SERPINB2: variants seen among roughly 807,000 people sequenced by gnomAD.
SERPINB2 encodes the protein plasminogen activator inhibitor 2.
A neutral mutation model predicts 39.4 loss-of-function variants in SERPINB2; 28 were observed. The ratio of observed to expected loss-of-function variants is 0.71; its 90% CI spans 0.53 to 0.97. The LOEUF is 0.97. Ranked by LOEUF, SERPINB2 falls within the 50% of genes least tolerant of loss-of-function variation. SERPINB2 has a pLI of 0.00. For synonymous variants in SERPINB2, 209 were observed against 175.1 expected (o/e 1.19, Z -1.53); for missense variants, 557 against 505.3 (o/e 1.10, Z -0.98).
At chr18:63,893,362 G>A (rs1329505786) in intron 2 of SERPINB2, among the ~76,000 whole-genome samples, 3 of 152,094 alleles carry the variant, frequency 2.0e-5, no homozygotes, top group Admixed American at 6.5e-5. Context: ...TGATTGCTCT[G>A]GACACAAGAC....
At position 63,902,942 on chromosome 18, in the gene SERPINB2, C is replaced by G. The variant is rs779082081; in HGVS notation, c.885C>G (p.Thr295=). 1.1e-5 allele frequency: 17 copies of G among 1,612,182 alleles called. No homozygotes were observed. In the Admixed American group the frequency reaches 2.8e-4, roughly 27 times the overall value. Residue 295 remains threonine, a synonymous_variant, in exon 8 of 8, where the codon ACC becomes ACG. Transcript: ENST00000299502. ...EITYDKLNKW[T]SKDKMAEDEV... ...CCTATGACAAACTCAACAAGTGGAC[C>G]AGCAAAGACAAAATGGCTGAAGATG...
At chr18:63,895,167 A>C in intron 2 of SERPINB2, 97 bp from the exon 3 acceptor site, 1 of 1,442,822 alleles carries the variant, frequency 6.9e-7, no homozygotes. Flanking sequence ...AAGGGAAAAG[A>C]TCTAGGACCA....
At chr18:63,898,345 C>G (rs2049973304) in intron 5 of SERPINB2, among the ~76,000 whole-genome samples, 1 of 152,194 alleles carries the variant, frequency 6.6e-6, no homozygotes, top group Admixed American at 6.6e-5. Flanking sequence ...CCTTGATTAT[C>G]TAAGTCACGT....
chr18:63,903,393 T>C lies in SERPINB2; in HGVS notation c.*88T>C. On this transcript the variant is annotated 3_prime_UTR_variant, in exon 8 of 8. Coordinates refer to ENST00000299502, the MANE Select transcript of SERPINB2 (RefSeq NM_002575.3). ...TTTCAAATTGCCAAAAATTTAGAGATGTTTTCTACATATTTCTGCTCTTCT... is the reference window on the plus strand; with the variant it reads ...TTTCAAATTGCCAAAAATTTAGAGACGTTTTCTACATATTTCTGCTCTTCT... 2 of 1,325,094 alleles carry C rather than the reference T, an allele frequency of 1.5e-6. No individual in the cohort carries two copies. Among genetic ancestry groups the C allele is most frequent in the Middle Eastern group, 2.0e-4 (1 of 4,978 alleles). The allele number at this position is 1,325,094 out of a possible 1,614,324, so 82.1% of individuals were successfully genotyped here. A position where few individuals can be genotyped will look rare whatever the true frequency, so the allele number is the denominator to read the frequency against.
chr18:63,892,082 T>C (rs2049929994), intron 2 of SERPINB2, among the ~76,000 whole-genome samples: 1 of 151,886 alleles, frequency 6.6e-6, no homozygotes, highest in East Asian at 1.9e-4. Flanking sequence ...GAAGAATTCC[T>C]TCTAATAATG....
chr18:63,894,031 A>G (rs1261194311), intron 2 of SERPINB2, among the ~76,000 whole-genome samples: 1 of 152,140 alleles, frequency 6.6e-6, no homozygotes, highest in Non-Finnish European at 1.5e-5. Context: ...TCTTTTCCTT[A>G]CAGTGAGGCA....
intron 1 of SERPINB2, chr18:63,890,529 C>T (rs2049919162): frequency 6.6e-6 from 1 of 152,236 alleles, no homozygotes; most frequent in African/African-American, 2.4e-5. Context: ...AAAAAACACA[C>T]ACACCTTGGG....
At chr18:63,900,258 T>C (rs1266623630) in intron 5 of SERPINB2, among the ~76,000 whole-genome samples, 1 of 152,184 alleles carries the variant, frequency 6.6e-6, no homozygotes, top group Admixed American at 6.5e-5. Flanking sequence ...ATCACAACAT[T>C]ACTATACCCC....
At position 63,901,872 on chromosome 18, in the gene SERPINB2, G is replaced by A. The variant is rs184826316; in HGVS notation, c.668G>A (p.Arg223His). ...EKKLNGLYPF[R>H]VNSAQRTPVQ... ...AAACTAAATGGGCTTTATCCTTTCC[G>A]TGTAAACTCGGTATGAGACAACAAA... The change falls in exon 6 of 8, where the codon CGT (arginine) becomes CAT (histidine). Residue 223 changes from arginine (R) to histidine (H), a missense_variant. Physicochemically the swap from Arg to His is conservative, Grantham distance 29. Transcript: ENST00000299502. 1.2e-4 allele frequency: 193 copies of A among 1,598,134 alleles called. No individual in the cohort carries two copies. Among genetic ancestry groups the A allele is most frequent in the South Asian group, 2.3e-4 (20 of 87,400 alleles).
At position 63,899,117 on chromosome 18, in the gene SERPINB2, A is replaced by C. The variant is rs566963936; in HGVS notation, c.535+1273A>C. 6.6e-5 allele frequency among the ~76,000 whole-genome samples: 10 copies of C among 152,296 alleles called. No individual in the cohort carries two copies. The East Asian group carries it at 1.9e-3, about 29-fold the overall frequency. On this transcript the variant is annotated intron_variant, in intron 5 of 7. Coordinates refer to ENST00000299502, the MANE Select transcript of SERPINB2 (RefSeq NM_002575.3). ...TAGACTTTGTTTCTGAGGATGCCTC[A>C]ACTACAGGATTTAAGTTGCAGTTTA...
rs1161716480 is a variant in SERPINB2, at chr18:63,901,815, T to C, written c.611T>C (p.Phe204Ser). Residue 204 changes from phenylalanine to serine, a missense_variant, in exon 6 of 8, where the codon TTC (phenylalanine) becomes TCC (serine). Transcript: ENST00000299502. ...TRMVLVNAVYFKGKWKTPFEK... is the reference protein window; with the variant it reads ...TRMVLVNAVYSKGKWKTPFEK... The stretch of plus-strand genomic sequence containing the variant: ...ATGGTCCTGGTGAATGCTGTCTACT[T>C]CAAAGGAAAGTGGAAAACTCCATTT... The C allele has an allele frequency of 1.2e-6, 2 of 1,603,462 alleles. No individual in the cohort carries two copies. Among genetic ancestry groups the C allele is most frequent in the Non-Finnish European group, 1.7e-6 (2 of 1,177,178 alleles).
chr18:63,890,763 T>C (rs1435021881), intron 1 of SERPINB2: 1 of 152,106 alleles, frequency 6.6e-6, no homozygotes, highest in Non-Finnish European at 1.5e-5. Flanking sequence ...AGTAAGGCTG[T>C]GGTATGTGTG....
chr18:63,897,751 T>C lies in SERPINB2; in HGVS notation c.442T>C (p.Tyr148His), dbSNP rs751668373. ...GGAATATATTCGACTCTGTCAGAAATATTACTCCTCAGAACCCCAGGCAGT... is the reference window on the plus strand; with the variant it reads ...GGAATATATTCGACTCTGTCAGAAACATTACTCCTCAGAACCCCAGGCAGT... Reference protein sequence around the residue: ...REEYIRLCQKYYSSEPQAVDF... With the variant: ...REEYIRLCQKHYSSEPQAVDF... The change falls in exon 5 of 8, where the codon TAT becomes CAT. Residue 148 changes from tyrosine to histidine, a missense_variant. Coordinates refer to ENST00000299502, the MANE Select transcript of SERPINB2 (RefSeq NM_002575.3). 3 of 1,611,318 alleles carry C rather than the reference T, an allele frequency of 1.9e-6. No individual in the cohort carries two copies. Among genetic ancestry groups the C allele is most frequent in the Middle Eastern group, 1.7e-4 (1 of 6,056 alleles).
Position 63,901,765 on chromosome 18 carries a change from A to T in SERPINB2, c.561A>T (p.Glu187Asp), listed in dbSNP as rs978515084. 23 of 1,562,678 alleles carry T rather than the reference A, an allele frequency of 1.5e-5. No homozygotes were observed. The highest frequency in any genetic ancestry group is 2.0e-5 in the Non-Finnish European group (23 of 1,164,964). ...GCAAAATCCCAAACTTGTTACCTGA[A>T]GGTTCTGTAGATGGGGATACCAGGA... is the stretch of plus-strand genomic sequence containing the variant. ...TKGKIPNLLPEGSVDGDTRMV... is the reference protein window; with the variant it reads ...TKGKIPNLLPDGSVDGDTRMV... Residue 187 changes from glutamate (E) to aspartate (D), a missense_variant, in exon 6 of 8, where the codon GAA (glutamate) becomes GAT (aspartate). Physicochemically the swap from Glu to Asp is conservative, Grantham distance 45. Transcript: ENST00000299502.
chr18:63,899,627 A>T (rs1002888661), intron 5 of SERPINB2, among the ~76,000 whole-genome samples: 2 of 152,154 alleles, frequency 1.3e-5, no homozygotes, highest in Non-Finnish European at 2.9e-5. Context: ...TTCCCAGGGG[A>T]TTAGCCGGCT....
At chr18:63,894,869 CA>C (rs2049948978) in intron 2 of SERPINB2, among the ~76,000 whole-genome samples, 2 of 152,098 alleles carry the variant, frequency 1.3e-5, no homozygotes, top group South Asian at 4.1e-4. Context: ...TGTATAAGGC[CA>C]CTGAAAAGAG....
rs780999731 is a variant in SERPINB2 at position 63,897,243 on chromosome 18, T to C, written c.417+24T>C. 2.5e-6 allele frequency: 4 copies of C among 1,603,484 alleles called. 1 individual carries two copies. The highest frequency in any genetic ancestry group is 2.2e-5 in the East Asian group (1 of 44,580). On this transcript the variant is annotated intron_variant, in intron 4 of 7. Transcript: ENST00000299502. ...AAGTAAGTGAAACCTGTAATTGAAATGGCTGGATCCCAAACAAGTAATGAA... is the reference window on the plus strand; with the variant it reads ...AAGTAAGTGAAACCTGTAATTGAAACGGCTGGATCCCAAACAAGTAATGAA...
At chr18:63,902,877 G>T (rs2050001747) in intron 7 of SERPINB2, 24 bp from the exon 8 acceptor site, 1 of 1,522,224 alleles carries the variant, frequency 6.6e-7, no homozygotes, top group African/African-American at 1.4e-5. Flanking sequence ...TCTTTTGTTT[G>T]TTTTGTTTTG....
chr18:63,899,655 G>A (rs898229824), intron 5 of SERPINB2, among the ~76,000 whole-genome samples: 2 of 152,164 alleles, frequency 1.3e-5, no homozygotes, highest in South Asian at 4.1e-4. Context: ...GATCCCACTG[G>A]TAGCGGTAAA....
Sources: gnomAD v4.1 joint callset for allele counts (sites outside exome capture counted in the v4.1 genomes callset) on GRCh38, gnomAD v4.1.1 for gene constraint, MANE v1.5 for transcripts, NCBI Gene and HGNC (gene_info 2026-07-23, HGNC 2026-07-21) for gene names.